EEPD1: variants seen among roughly 807,000 people sequenced by gnomAD.
The protein encoded by EEPD1 is endonuclease/exonuclease/phosphatase family domain containing 1, also known as endonuclease/exonuclease/phosphatase family domain-containing protein 1.
In EEPD1, 17 loss-of-function variants were observed where a neutral mutation model predicts 46.3. The ratio of observed to expected loss-of-function variants is 0.37; its 90% CI spans 0.25 to 0.55. The LOEUF is 0.55. EEPD1 is among the 20% of genes least tolerant of loss of function. The pLI is 0.83. For synonymous variants in EEPD1, 313 were observed against 315.6 expected, an observed-to-expected ratio of 0.99 and a Z score of 0.09; for missense variants, 673 against 745.6, an observed-to-expected ratio of 0.90 and a Z score of 1.13.
chr7:36,219,040 C>T (rs1365446134), intron 2 of EEPD1, among the ~76,000 whole-genome samples: 2 of 151,960 alleles, frequency 1.3e-5, no homozygotes, highest in Admixed American at 6.6e-5. Flanking sequence ...AAGTTCCCTG[C>T]AGAAAATAAG....
intron 3 of EEPD1, among the ~76,000 whole-genome samples, chr7:36,240,806 G>A (rs866781815): frequency 1.3e-5 from 2 of 152,164 alleles, no homozygotes; most frequent in African/African-American, 4.8e-5. Flanking sequence ...ACCTGGGTTG[G>A]GGGGATGGTT....
chr7:36,269,566 C>T lies in EEPD1; in HGVS notation c.931-11549C>T, dbSNP rs79019211. ...TCTTTGGTCATTCATACTCCAGGCC[C>T]CTGTGCTGCCATCTGTTTATCACAG... On this transcript the variant is annotated intron_variant, in intron 3 of 7. Transcript: ENST00000242108. 5.8e-3 allele frequency among the ~76,000 whole-genome samples: 877 copies of T among 152,074 alleles called. 7 individuals are homozygous for T. The highest frequency in any genetic ancestry group is 0.02 in the African/African-American group (836 of 41,460).
intron 2 of EEPD1, chr7:36,228,696 T>C (rs2115760715): frequency 6.6e-6 from 1 of 152,132 alleles, no homozygotes; most frequent in East Asian, 1.9e-4. Context: ...TTGTGATAGA[T>C]AGGAGGATAT....
At position 36,193,645 on chromosome 7, in the gene EEPD1, G is replaced by A. The variant is rs1219428568; in HGVS notation, c.878+38443G>A. Reference sequence around the variant, plus strand: ...GGGACCACGGCCTTCAGATGGCCCTGCCTGTGGACACTGCGAGTATTGTTT... The same window carrying A: ...GGGACCACGGCCTTCAGATGGCCCTACCTGTGGACACTGCGAGTATTGTTT... On this transcript the variant is annotated intron_variant, in intron 2 of 7. Transcript: ENST00000242108. The surrounding 1 kb of genome is among the most constrained non-coding windows in gnomAD (Gnocchi z 4.9). Among the ~76,000 whole-genome samples, 1 of 152,200 alleles carries A rather than the reference G, an allele frequency of 6.6e-6. No homozygotes were observed. The highest frequency in any genetic ancestry group is 1.5e-5 in the Non-Finnish European group (1 of 68,028).
At chr7:36,297,349 A>G (rs1787544102) in intron 7 of EEPD1, among the ~76,000 whole-genome samples, 162 bp downstream of exon 7, 1 of 152,244 alleles carries the variant, frequency 6.6e-6, no homozygotes, top group Admixed American at 6.5e-5. Flanking sequence ...CCAGGAATCC[A>G]GGCCCCTGTC....
chr7:36,157,846 A>G (rs1784848666), intron 2 of EEPD1, among the ~76,000 whole-genome samples: 3 of 151,712 alleles, frequency 2.0e-5, no homozygotes, highest in Admixed American at 1.3e-4. Flanking sequence ...GTCCTCAATG[A>G]TAGCAGCACC....
At chr7:36,199,872 T>C (rs1192440268) in intron 2 of EEPD1, among the ~76,000 whole-genome samples, 1 of 151,946 alleles carries the variant, frequency 6.6e-6, no homozygotes, top group Non-Finnish European at 1.5e-5. Flanking sequence ...TGTCGTGAGC[T>C]CCCCCTCCAA....
At chr7:36,222,012 T>G (rs1190618732) in intron 2 of EEPD1, among the ~76,000 whole-genome samples, 1 of 152,198 alleles carries the variant, frequency 6.6e-6, no homozygotes, top group African/African-American at 2.4e-5. Context: ...ACTAGACACA[T>G]TATATAGTGG....
chr7:36,298,771 C>A (rs573648559), intron 7 of EEPD1, among the ~76,000 whole-genome samples: 1 of 152,350 alleles, frequency 6.6e-6, no homozygotes, highest in South Asian at 2.1e-4. Flanking sequence ...GAGGCCTGGC[C>A]TCTGGGTGTT....
intron 2 of EEPD1, among the ~76,000 whole-genome samples, chr7:36,219,804 AGAGTGT>A (rs1445252863): frequency 1.4e-3 from 119 of 87,664 alleles, no homozygotes; most frequent in South Asian, 6.4e-3. Context: ...AGAGAGAGAG[AGAGTGT>A]GTGTGTGTGT....
chr7:36,154,372 G>A lies in EEPD1; in HGVS notation c.48G>A (p.Ser16=), dbSNP rs1362647095. ...GCHRSIPRDP[S]DLSHSRKFSA... is the part of the protein sequence containing the mutation. ...ACCGCTCCATCCCCAGGGACCCCTCGGACCTGTCCCATAGCCGCAAGTTCA... is the reference window on the plus strand; with the variant it reads ...ACCGCTCCATCCCCAGGGACCCCTCAGACCTGTCCCATAGCCGCAAGTTCA... Residue 16 remains serine (S), a synonymous_variant, in exon 2 of 8, where the codon TCG becomes TCA. Coordinates refer to ENST00000242108, the MANE Select transcript of EEPD1 (RefSeq NM_030636.3). This position sits in a 1 kb window ranked among gnomAD's most constrained non-coding sequence, Gnocchi z 4.2. 5.6e-6 allele frequency: 9 copies of A among 1,613,578 alleles called. No individual in the cohort carries two copies. The highest frequency in any genetic ancestry group is 7.6e-6 in the Non-Finnish European group (9 of 1,180,026).
rs1583484287 is a variant in EEPD1, at chr7:36,299,280, T to C, written c.*74T>C. Reference sequence around the variant, plus strand: ...AGGAATGAGCCCTGTGGGGTGACGCTTCAGGGCAGAGCTGCCTTTTAATTT... The same window carrying C: ...AGGAATGAGCCCTGTGGGGTGACGCCTCAGGGCAGAGCTGCCTTTTAATTT... On this transcript the variant is annotated 3_prime_UTR_variant, in exon 8 of 8. Transcript: ENST00000242108. The C allele has an allele frequency of 1.1e-5, 16 of 1,498,936 alleles. No homozygotes were observed. The East Asian group carries it at 3.8e-4, about 36-fold the overall frequency. The allele number at this position is 1,498,936 out of a possible 1,614,324, so 92.9% of individuals were successfully genotyped here. A position where few individuals can be genotyped will look rare whatever the true frequency, so the allele number is the denominator to read the frequency against.
chr7:36,281,426 A>G (rs1480439930), intron 4 of EEPD1, among the ~76,000 whole-genome samples: 1 of 152,182 alleles, frequency 6.6e-6, no homozygotes, highest in Non-Finnish European at 1.5e-5. Flanking sequence ...ACTCCTGCCA[A>G]GAAGGAAATG....
At chr7:36,278,463 G>A (rs1185140122) in intron 3 of EEPD1, among the ~76,000 whole-genome samples, 1 of 142,468 alleles carries the variant, frequency 7.0e-6, no homozygotes, top group African/African-American at 2.6e-5. Flanking sequence ...CCAGGGCTGG[G>A]CCTCTCTGAT....
At chr7:36,215,325 C>T (rs28734793) in intron 2 of EEPD1, among the ~76,000 whole-genome samples, 2,651 of 152,300 alleles carry the variant, frequency 0.017, 75 homozygotes, top group African/African-American at 0.06. Flanking sequence ...AGATGAAAGC[C>T]GATTTGGCGG....
chr7:36,172,587 A>C (rs1209107554), intron 2 of EEPD1, among the ~76,000 whole-genome samples: 4 of 150,766 alleles, frequency 2.7e-5, no homozygotes, highest in Non-Finnish European at 4.4e-5. Context: ...ATCCCAACAC[A>C]AATTTATAAA....
At chr7:36,188,622 ACAAT>A (rs1157178656) in intron 2 of EEPD1, among the ~76,000 whole-genome samples, 1 of 152,226 alleles carries the variant, frequency 6.6e-6, no homozygotes, top group African/African-American at 2.4e-5. Context: ...TTATGAATCA[ACAAT>A]CAAATTCCAT....
intron 2 of EEPD1, among the ~76,000 whole-genome samples, chr7:36,186,306 G>T (rs1471253597): frequency 6.6e-6 from 1 of 152,086 alleles, no homozygotes; most frequent in South Asian, 2.1e-4. Context: ...CTTCCCCAGG[G>T]TTTACAATAA....
At chr7:36,252,750 G>T (rs1320305549) in intron 3 of EEPD1, among the ~76,000 whole-genome samples, 1 of 150,518 alleles carries the variant, frequency 6.6e-6, no homozygotes, top group Non-Finnish European at 1.5e-5. Flanking sequence ...CCCCCTTATG[G>T]TACGCCCCAG....
Sources: gnomAD v4.1 joint callset for allele counts (sites outside exome capture counted in the v4.1 genomes callset) on GRCh38, gnomAD v4.1.1 for gene constraint, Gnocchi (gnomAD v3.1) non-coding constraint, MANE v1.5 for transcripts, NCBI Gene and HGNC (gene_info 2026-07-23, HGNC 2026-07-21) for gene names.